Variants in RAC1 observed in about 807,000 individuals in gnomAD.
RAC1 encodes the protein ras-related C3 botulinum toxin substrate 1.
Under a neutral mutation model 25.2 loss-of-function variants are expected in RAC1, and 2 were observed. The observed-to-expected ratio is 0.08, with a 90% CI of 0.03 to 0.25. The LOEUF (loss-of-function observed/expected upper bound fraction) is 0.25. Among genes scored for constraint, RAC1 ranks in the 10% least tolerant of loss-of-function variants. The pLI, the probability that RAC1 is intolerant of heterozygous loss-of-function variation, is 1.00. For missense variants in RAC1, 50 were observed against 235.7 expected, an observed-to-expected ratio of 0.21 and a Z score of 5.16; for synonymous variants, 88 against 94.0, an observed-to-expected ratio of 0.94 and a Z score of 0.37.
chr7:6,390,442 A>G (rs1451662767), intron 2 of RAC1, among the ~76,000 whole-genome samples: 1 of 151,950 alleles, frequency 6.6e-6, no homozygotes, highest in Non-Finnish European at 1.5e-5. Context: ...TCTACTAAAA[A>G]TACAAAAATT....
chr7:6,383,651 T>C lies in RAC1; in HGVS notation c.36-3561T>C, dbSNP rs1334387626. On this transcript the variant is annotated intron_variant, in intron 1 of 5. Transcript: ENST00000348035. ...TTTATATTAGTAGTTTTGTTCCTCA[T>C]ATACATAGAGACTTAGGACAGAATA... Among the ~76,000 whole-genome samples, 8 of 152,102 alleles carry C rather than the reference T, an allele frequency of 5.3e-5. No individual in the cohort carries two copies. The East Asian group carries it at 9.6e-4, about 18-fold the overall frequency.
At chr7:6,376,257 ACT>A (rs1782589875) in intron 1 of RAC1, among the ~76,000 whole-genome samples, 1 of 123,398 alleles carries the variant, frequency 8.1e-6, no homozygotes, top group African/African-American at 3.2e-5. Context: ...ATTTCGGCTC[ACT>A]ACAACCTCCG....
At position 6,385,542 on chromosome 7, in the gene RAC1, G is replaced by A. The variant is rs531933177; in HGVS notation, c.36-1670G>A. Among the ~76,000 whole-genome samples the A allele has an allele frequency of 1.2e-4, 18 of 152,286 alleles. No individual in the cohort carries two copies. The Middle Eastern group carries it at 0.014, about 115-fold the overall frequency. On this transcript the variant is annotated intron_variant, in intron 1 of 5. Transcript: ENST00000348035. ...TCACATTCTAAGCTTTTAACGAAAT[G>A]TATGTCCAATGAGTCATTTCTGTTT...
At chr7:6,401,768 G>A (rs1783410028) in intron 4 of RAC1, 100 bp from the exon 5 acceptor site, 1 of 1,316,840 alleles carries the variant, frequency 7.6e-7, no homozygotes, top group African/African-American at 1.5e-5. Context: ...CCTTGCCTGA[G>A]GTTAGGTGTC....
chr7:6,394,672 AGTTGTT>A lies in RAC1; in HGVS notation c.225+2650_225+2655del, dbSNP rs141162322. 7.9e-5 allele frequency among the ~76,000 whole-genome samples: 12 copies of A among 151,400 alleles called. 1 individual carries two copies. The highest frequency in any genetic ancestry group is 5.3e-4 in the Admixed American group (8 of 15,160). ...TGTTTCATTTTCTCTCTAGGCTAAAAGTTGTTGTTGTTGTTGTTGTTGTTTGAGACA... is the reference window on the plus strand; with the variant it reads ...TGTTTCATTTTCTCTCTAGGCTAAAAGTTGTTGTTGTTGTTGTTTGAGACA... On this transcript the variant is annotated intron_variant, in intron 3 of 5. Coordinates refer to ENST00000348035, the MANE Select transcript of RAC1 (RefSeq NM_006908.5).
At chr7:6,376,925 A>G (rs1340432666) in intron 1 of RAC1, among the ~76,000 whole-genome samples, 1 of 151,908 alleles carries the variant, frequency 6.6e-6, no homozygotes, top group Non-Finnish European at 1.5e-5. Context: ...TATCTAGTCA[A>G]ATAACTTGTT....
At chr7:6,378,721 T>A (rs545099778) in intron 1 of RAC1, among the ~76,000 whole-genome samples, 1 of 152,258 alleles carries the variant, frequency 6.6e-6, no homozygotes, top group South Asian at 2.1e-4. Flanking sequence ...TTCCTCCACC[T>A]TACTGCTGCC....
intron 1 of RAC1, among the ~76,000 whole-genome samples, chr7:6,379,978 A>G (rs1455190135): frequency 6.6e-6 from 1 of 152,164 alleles, no homozygotes; most frequent in Non-Finnish European, 1.5e-5. Context: ...AATGACTTGA[A>G]GCCCTCTCTG....
intron 2 of RAC1, among the ~76,000 whole-genome samples, chr7:6,388,941 C>A (rs914355620): frequency 2.6e-5 from 4 of 152,090 alleles, no homozygotes; most frequent in Non-Finnish European, 5.9e-5. Context: ...TTGCTCACGC[C>A]TGTAATCCCA....
intron 1 of RAC1, among the ~76,000 whole-genome samples, 198 bp downstream of exon 1, chr7:6,374,968 C>T (rs1326141323): frequency 6.6e-6 from 1 of 151,678 alleles, no homozygotes; most frequent in African/African-American, 2.4e-5. Context: ...GTGCCTGGTT[C>T]CGGCTCTCGA....
chr7:6,389,622 G>C (rs190433522), intron 2 of RAC1, among the ~76,000 whole-genome samples: 1 of 152,248 alleles, frequency 6.6e-6, no homozygotes, highest in African/African-American at 2.4e-5. Context: ...GGAGGTTGCA[G>C]TGAGCCAAGA....
chr7:6,380,025 TAGTGG>T (rs2115184638), intron 1 of RAC1, among the ~76,000 whole-genome samples: 1 of 152,360 alleles, frequency 6.6e-6, no homozygotes, highest in African/African-American at 2.4e-5. Flanking sequence ...CAGATTGGGC[TAGTGG>T]CCTGTCTAGC....
intron 1 of RAC1, among the ~76,000 whole-genome samples, chr7:6,381,190 CTG>C (rs1782753021): frequency 6.6e-6 from 1 of 152,094 alleles, no homozygotes; most frequent in Admixed American, 6.6e-5. Context: ...AGAATAGGGA[CTG>C]TGTGCAGTTA....
At chr7:6,401,080 T>C (rs532955935) in intron 4 of RAC1, among the ~76,000 whole-genome samples, 1 of 152,138 alleles carries the variant, frequency 6.6e-6, no homozygotes, top group African/African-American at 2.4e-5. Context: ...CTCAGCCTCC[T>C]TAGTAGCTGG....
intron 3 of RAC1, among the ~76,000 whole-genome samples, chr7:6,393,385 G>C (rs1470191576): frequency 2.6e-5 from 4 of 152,148 alleles, no homozygotes; most frequent in Admixed American, 2.6e-4. Flanking sequence ...CAGCCCACTG[G>C]ACACATGTGG....
intron 1 of RAC1, among the ~76,000 whole-genome samples, chr7:6,379,791 C>T (rs1042580559): frequency 6.6e-6 from 1 of 151,876 alleles, no homozygotes; most frequent in Non-Finnish European, 1.5e-5. Context: ...CTCTGTCACC[C>T]AGGCCGGGGT....
At chr7:6,382,191 C>G (rs145731975) in intron 1 of RAC1, among the ~76,000 whole-genome samples, 2 of 152,202 alleles carry the variant, frequency 1.3e-5, no homozygotes, top group Non-Finnish European at 2.9e-5. Flanking sequence ...GATGCAGTTT[C>G]GCTGTGTTGG....
chr7:6,392,876 G>A lies in RAC1; in HGVS notation c.225+835G>A, dbSNP rs569083894. On this transcript the variant is annotated intron_variant, in intron 3 of 5. Coordinates refer to ENST00000348035, the MANE Select transcript of RAC1 (RefSeq NM_006908.5). Reference sequence around the variant, plus strand: ...AGGCTTCATCCTCTCTCCAGTCTTTGCCTGTTTCCTTGTAGGGTGAGATGA... The same window carrying A: ...AGGCTTCATCCTCTCTCCAGTCTTTACCTGTTTCCTTGTAGGGTGAGATGA... Among the ~76,000 whole-genome samples the A allele has an allele frequency of 4.6e-5, 7 of 152,330 alleles. No individual in the cohort carries two copies. The South Asian group carries it at 1.4e-3, about 32-fold the overall frequency.
intron 1 of RAC1, among the ~76,000 whole-genome samples, chr7:6,375,537 GTTT>G (rs1173092052): frequency 6.6e-6 from 1 of 152,056 alleles, no homozygotes; most frequent in East Asian, 1.9e-4. Flanking sequence ...TTTTCGACAG[GTTT>G]TTTGACTTAC....
Sources: gnomAD v4.1 joint callset for allele counts (sites outside exome capture counted in the v4.1 genomes callset) on GRCh38, gnomAD v4.1.1 for gene constraint, MANE v1.5 for transcripts, NCBI Gene and HGNC (gene_info 2026-07-23, HGNC 2026-07-21) for gene names.